PLA2R1: variants seen among roughly 807,000 people sequenced by gnomAD.
PLA2R1 encodes phospholipase A2 receptor 1, also known as secretory phospholipase A2 receptor.
PLA2R1 carries 158 observed loss-of-function variants against 195.9 expected under a neutral mutation model. The ratio of observed to expected loss-of-function variants is 0.81; its 90% CI spans 0.71 to 0.92. The LOEUF (loss-of-function observed/expected upper bound fraction) is 0.92. PLA2R1 is among the 40% of genes least tolerant of loss of function. PLA2R1 has a pLI of 0.00. For missense variants in PLA2R1, 1,626 were observed against 1,764.6 expected, an observed-to-expected ratio of 0.92 and a Z score of 1.41; for synonymous variants, 586 against 598.2, an observed-to-expected ratio of 0.98 and a Z score of 0.30.
In PLA2R1 at chr2:160,005,422, G is replaced by A. The variant is rs537131673; in HGVS notation, c.1834+230C>T. Among the ~76,000 whole-genome samples, 6 of 151,854 alleles carry A rather than the reference G, an allele frequency of 4.0e-5. No individual in the cohort carries two copies. The East Asian group carries it at 7.8e-4, about 20-fold the overall frequency. On this transcript the variant is annotated intron_variant, in intron 11 of 29. Coordinates refer to ENST00000283243, the MANE Select transcript of PLA2R1 (RefSeq NM_007366.5). ...TGCACTCCAGGCTGGGTGACAGAGC[G>A]AGACCTCGTCTCAAAACAAACAAAC...
intron 20 of PLA2R1, among the ~76,000 whole-genome samples, chr2:159,957,217 G>T (rs1261046267): frequency 6.6e-6 from 1 of 152,162 alleles, no homozygotes; most frequent in Non-Finnish European, 1.5e-5. Flanking sequence ...AGAAACCTGG[G>T]AAGAAGTAGA....
chr2:159,987,137 C>T lies in PLA2R1; in HGVS notation c.2037+19G>A, dbSNP rs781651153. The stretch of plus-strand genomic sequence containing the variant: ...TAGTGTTGGTCCTGTTAAGAATGTC[C>T]ATGTAACCTTGGTATCACCTTGAAG... On this transcript the variant is annotated intron_variant, in intron 12 of 29. Coordinates refer to ENST00000283243, the MANE Select transcript of PLA2R1 (RefSeq NM_007366.5). 25 of 1,563,208 alleles carry T rather than the reference C, an allele frequency of 1.6e-5. No individual in the cohort carries two copies. The highest frequency in any genetic ancestry group is 2.0e-5 in the Non-Finnish European group (23 of 1,133,936).
intron 19 of PLA2R1, among the ~76,000 whole-genome samples, chr2:159,969,041 T>C (rs1688968651): frequency 6.6e-6 from 1 of 152,220 alleles, no homozygotes; most frequent in South Asian, 2.1e-4. Context: ...AGGAAGGACT[T>C]ATTCAGATGT....
intron 4 of PLA2R1, among the ~76,000 whole-genome samples, chr2:160,030,599 C>T (rs36083888): frequency 0.017 from 2,529 of 152,198 alleles, 39 homozygotes; most frequent in Middle Eastern, 0.065. Context: ...TCTGAAGGCA[C>T]AAAAAACCAT....
At position 159,979,876 on chromosome 2, in the gene PLA2R1, C is replaced by G. The variant is rs1206713196; in HGVS notation, c.2222G>C (p.Arg741Thr). Residue 741 changes from arginine to threonine, a missense_variant, in exon 14 of 30, where the codon AGA (arginine) becomes ACA (threonine). Arg to Thr is a moderately conservative substitution (Grantham distance 71, BLOSUM62 -1). Transcript: ENST00000283243. ...ERQFWIGFNK[R>T]NPLNAGSWEW... ...CCATGAGCCGGCATTCAGTGGGTTT[C>G]TTTTATTAAATCCAATCCAGAACTG... 6 of 1,608,708 alleles carry G rather than the reference C, an allele frequency of 3.7e-6. No homozygotes were observed. Among genetic ancestry groups the G allele is most frequent in the Non-Finnish European group, 5.1e-6 (6 of 1,175,552 alleles).
intron 13 of PLA2R1, among the ~76,000 whole-genome samples, chr2:159,983,149 G>A (rs1202363308): frequency 6.6e-6 from 1 of 152,160 alleles, no homozygotes; most frequent in Non-Finnish European, 1.5e-5. Context: ...CTGAGGGGAG[G>A]CAGATTTCTG....
chr2:159,958,942 C>T (rs1214562015), intron 20 of PLA2R1, among the ~76,000 whole-genome samples: 3 of 152,084 alleles, frequency 2.0e-5, no homozygotes, highest in African/African-American at 7.2e-5. Flanking sequence ...TAGTTTAAAC[C>T]CTTCAGGAAT....
chr2:160,042,788 GGTGTGTGTGTGCGTGT>G lies in PLA2R1; in HGVS notation c.494-606_494-591del, dbSNP rs1053804629. Among the ~76,000 whole-genome samples, 44 of 135,424 alleles carry G rather than the reference GGTGTGTGTGTGCGTGT, an allele frequency of 3.2e-4. 1 individual carries two copies. In the East Asian group the frequency reaches 8.5e-3, roughly 26 times the overall value. The allele number at this position is 135,424 out of a possible 152,430, so 88.8% of individuals were successfully genotyped here. Reference sequence around the variant, plus strand: ...TAAATAGGATGAGAAGACAGAGTGGGGTGTGTGTGTGCGTGTGTGTGTGTGTGTGTGTGTGTGTGTG... The same window carrying G: ...TAAATAGGATGAGAAGACAGAGTGGGGTGTGTGTGTGTGTGTGTGTGTGTG... On this transcript the variant is annotated intron_variant, in intron 2 of 29. Transcript: ENST00000283243.
At chr2:160,015,573 C>T (rs2667043) in intron 9 of PLA2R1, among the ~76,000 whole-genome samples, 110,252 of 152,070 alleles carry the variant, frequency 0.73, 40,430 homozygotes, top group East Asian at 0.87. Flanking sequence ...ATAAAACACG[C>T]TGAGTTTCCC....
intron 3 of PLA2R1, among the ~76,000 whole-genome samples, chr2:160,040,160 C>A (rs1457722259): frequency 6.6e-6 from 1 of 151,754 alleles, no homozygotes; most frequent in Non-Finnish European, 1.5e-5. Flanking sequence ...TACACACCTA[C>A]ATGCATACAT....
chr2:160,002,537 A>C (rs1479531559), intron 11 of PLA2R1, among the ~76,000 whole-genome samples: 1 of 152,024 alleles, frequency 6.6e-6, no homozygotes, highest in Non-Finnish European at 1.5e-5. Flanking sequence ...CTATGAAAAA[A>C]GGTTGCTAAA....
intron 3 of PLA2R1, among the ~76,000 whole-genome samples, chr2:160,041,011 G>A (rs1694488952): frequency 6.6e-6 from 1 of 152,164 alleles, no homozygotes; most frequent in African/African-American, 2.4e-5. Context: ...GATAGATGGA[G>A]AGAGCTTCCC....
intron 20 of PLA2R1, among the ~76,000 whole-genome samples, chr2:159,967,301 C>G (rs1688853622): frequency 6.6e-6 from 1 of 152,082 alleles, no homozygotes; most frequent in South Asian, 2.1e-4. Context: ...ACTATGCCAA[C>G]AGTAAAACTG....
At chr2:160,053,620 CA>C (rs1695353653) in intron 1 of PLA2R1, among the ~76,000 whole-genome samples, 1 of 152,228 alleles carries the variant, frequency 6.6e-6, no homozygotes, top group African/African-American at 2.4e-5. Flanking sequence ...ACAGTGGTGA[CA>C]AATACTGCCT....
chr2:159,973,372 C>T (rs1021357901), intron 17 of PLA2R1, among the ~76,000 whole-genome samples: 5 of 150,670 alleles, frequency 3.3e-5, no homozygotes, highest in African/African-American at 1.2e-4. Context: ...CCACTACAGA[C>T]TAAATGTTTG....
chr2:159,989,082 A>G (rs1376736763), intron 11 of PLA2R1, among the ~76,000 whole-genome samples: 1 of 152,192 alleles, frequency 6.6e-6, no homozygotes, highest in African/African-American at 2.4e-5. Flanking sequence ...GAAACACGCT[A>G]TCCCTCACAT....
intron 11 of PLA2R1, among the ~76,000 whole-genome samples, chr2:159,989,593 A>C (rs771585336): frequency 3.3e-5 from 5 of 152,212 alleles, no homozygotes; most frequent in Non-Finnish European, 7.3e-5. Context: ...TGAATTAACC[A>C]CAATAGGCCT....
intron 27 of PLA2R1, chr2:159,945,832 T>G (rs1224957559): frequency 2.1e-6 from 2 of 964,512 alleles, no homozygotes; most frequent in African/African-American, 1.8e-5. Context: ...GCCTCTTTAT[T>G]TTAGGTACAG....
chr2:159,995,134 G>A (rs1441551473), intron 11 of PLA2R1, among the ~76,000 whole-genome samples: 2 of 152,072 alleles, frequency 1.3e-5, no homozygotes, highest in African/African-American at 4.8e-5. Context: ...GATTTAGGTA[G>A]TGTCTCTGCA....
Sources: gnomAD v4.1 joint callset for allele counts (sites outside exome capture counted in the v4.1 genomes callset) on GRCh38, gnomAD v4.1.1 for gene constraint, MANE v1.5 for transcripts, NCBI Gene and HGNC (gene_info 2026-07-23, HGNC 2026-07-21) for gene names.